RIC8A: variants seen among roughly 807,000 people sequenced by gnomAD.
RIC8A encodes RIC8 guanine nucleotide exchange factor A, also known as chaperone Ric-8A.
A neutral mutation model predicts 48.4 loss-of-function variants in RIC8A; 37 were observed. The ratio of observed to expected loss-of-function variants is 0.77; its 90% confidence interval spans 0.59 to 1.01. The LOEUF is 1.01. Ranked by LOEUF, RIC8A falls within the 50% of genes least tolerant of loss-of-function variation. The pLI is 0.00. For missense variants in RIC8A, 681 were observed against 696.8 expected (o/e 0.98, Z 0.25); for synonymous variants, 288 against 283.4 (o/e 1.02, Z -0.16).
At position 209,561 on chromosome 11, in the gene RIC8A, C is replaced by T; in HGVS notation, c.287C>T (p.Ala96Val). The change falls in exon 3 of 10, where the codon GCT becomes GTT. Residue 96 changes from alanine (A) to valine (V), a missense_variant. Coordinates refer to ENST00000526104, the MANE Select transcript of RIC8A (RefSeq NM_001286134.2). The stretch of plus-strand genomic sequence containing the variant: ...AGCCTGCAGGCACTAGCCTGCTATG[C>T]TGACATCTCTGTCTCTGAGGGGTCC... ...RQSLQALACYADISVSEGSVP... is the reference protein window; with the variant it reads ...RQSLQALACYVDISVSEGSVP... 1 of 1,614,120 alleles carries T rather than the reference C, an allele frequency of 6.2e-7. No homozygotes were observed. Among genetic ancestry groups the T allele is most frequent in the East Asian group, 2.2e-5 (1 of 44,894 alleles).
rs755224386 is a variant in RIC8A, at chr11:208,641, G to C, written c.-214G>C. On this transcript the variant is annotated 5_prime_UTR_variant, in exon 1 of 10. Transcript: ENST00000526104. This position sits in a 1 kb window ranked among gnomAD's most constrained non-coding sequence, Gnocchi z 4.8. ...TCAGAGCGACTCAGCCCCTCGACTC[G>C]GGTCTTAAAACCTCCGAGCCGCCAG... is the stretch of plus-strand genomic sequence containing the variant. 2.1e-6 allele frequency: 1 copy of C among 473,322 alleles called. No homozygotes were observed. Among genetic ancestry groups the C allele is most frequent in the South Asian group, 3.1e-5 (1 of 31,886 alleles). The allele number at this position is 473,322 out of a possible 1,614,324, so 29.3% of individuals were successfully genotyped here. A position where few individuals can be genotyped will look rare whatever the true frequency, so the allele number is the denominator to read the frequency against.
At chr11:209,121 G>A (rs1011825893) in intron 1 of RIC8A, 150 bp from the exon 2 acceptor site, 4 of 1,080,712 alleles carry the variant, frequency 3.7e-6, no homozygotes, top group Middle Eastern at 2.1e-4. Flanking sequence ...CCCGTTGGGT[G>A]GCAGGCGTGT....
Position 209,974 on chromosome 11 carries a change from G to C in RIC8A, c.700G>C (p.Asp234His). 1 of 1,593,592 alleles carries C rather than the reference G, an allele frequency of 6.3e-7. No individual in the cohort carries two copies. The highest frequency in any genetic ancestry group is 8.5e-7 in the Non-Finnish European group (1 of 1,174,806). Reference protein sequence around the residue: ...ILKVLFNITLDSIKGEVDEED... With the variant: ...ILKVLFNITLHSIKGEVDEED... ...CAAAGTGCTCTTCAACATCACCCTG[G>C]ACTCCATCAAGGGGGAGGTGGACGA... Residue 234 changes from aspartate (D) to histidine (H), a missense_variant, in exon 3 of 10, where the codon GAC becomes CAC. By Grantham distance (81) the Asp-to-His change is moderately conservative. Transcript: ENST00000526104.
Position 212,877 on chromosome 11 carries a change from T to C in RIC8A, c.1251T>C (p.Ala417=), listed in dbSNP as rs768763428. ...FIKYTGYGNA[A]GLLAARGLMA... is the part of the protein sequence containing the mutation. ...AGTACACAGGCTATGGGAATGCTGC[T>C]GGCCTTCTGGCTGCCAGGGGCCTCA... Residue 417 remains alanine (A), a synonymous_variant, in exon 8 of 10, where the codon GCT becomes GCC. Coordinates refer to ENST00000526104, the MANE Select transcript of RIC8A (RefSeq NM_001286134.2). 8 of 1,606,640 alleles carry C rather than the reference T, an allele frequency of 5.0e-6. No individual in the cohort carries two copies. Among genetic ancestry groups the C allele is most frequent in the Admixed American group, 1.7e-5 (1 of 59,364 alleles).
chr11:211,968 C>A lies in RIC8A; in HGVS notation c.970-448C>A. ...TCGCTGCCACTGCTGGTGCTGGGGT[C>A]CAGGCACATTATGCTAGGAGGGTCA... On this transcript the variant is annotated intron_variant, in intron 5 of 9. Coordinates refer to ENST00000526104, the MANE Select transcript of RIC8A (RefSeq NM_001286134.2). This position sits in a 1 kb window ranked among gnomAD's most constrained non-coding sequence, Gnocchi z 4.0. 1.0e-5 allele frequency: 2 copies of A among 193,298 alleles called. No homozygotes were observed. The highest frequency in any genetic ancestry group is 5.4e-5 in the Admixed American group (1 of 18,590). The allele number at this position is 193,298 out of a possible 1,614,324, so 12.0% of individuals were successfully genotyped here.
chr11:213,890 T>C (rs919763020), intron 9 of RIC8A: 2 of 305,010 alleles, frequency 6.6e-6, no homozygotes, highest in Non-Finnish European at 1.2e-5. Context: ...GAGCTTGCAG[T>C]GAGCTGACAT....
In RIC8A at chr11:211,488, G is replaced by T. The variant is rs1855356301; in HGVS notation, c.969+139G>T. On this transcript the variant is annotated intron_variant, in intron 5 of 9. Transcript: ENST00000526104. The surrounding 1 kb of genome is among the most constrained non-coding windows in gnomAD (Gnocchi z 4.0). Reference sequence around the variant, plus strand: ...TGGTGTGATATGGGCGACTCTTCCGGTTGTTCTGTGGTCCAGCCTGGCAAG... The same window carrying T: ...TGGTGTGATATGGGCGACTCTTCCGTTTGTTCTGTGGTCCAGCCTGGCAAG... 2.1e-6 allele frequency: 2 copies of T among 935,198 alleles called. No individual in the cohort carries two copies. The highest frequency in any genetic ancestry group is 3.7e-5 in the South Asian group (2 of 54,194). The allele number at this position is 935,198 out of a possible 1,614,324, so 57.9% of individuals were successfully genotyped here. A position where few individuals can be genotyped will look rare whatever the true frequency, so the allele number is the denominator to read the frequency against.
chr11:212,505 G>A lies in RIC8A; in HGVS notation c.1059G>A (p.Lys353=). 1.2e-6 allele frequency: 2 copies of A among 1,613,834 alleles called. No homozygotes were observed. The highest frequency in any genetic ancestry group is 1.7e-6 in the Non-Finnish European group (2 of 1,179,886). The change falls in exon 6 of 10, where the codon AAG becomes AAA. Residue 353 remains lysine, a synonymous_variant. Transcript: ENST00000526104. ...RMHRPARKFL[K]AQVLPPLRDV... is the part of the protein sequence containing the mutation. ...ACCGCCCAGCCAGGAAGTTCCTGAAGGCCCAGGTATAAGGCTGAGGAGCTG... is the reference window on the plus strand; with the variant it reads ...ACCGCCCAGCCAGGAAGTTCCTGAAAGCCCAGGTATAAGGCTGAGGAGCTG...
intron 5 of RIC8A, 65 bp from the exon 6 acceptor site, chr11:212,351 T>C: frequency 1.3e-6 from 2 of 1,495,334 alleles, no homozygotes; most frequent in South Asian, 2.4e-5. Flanking sequence ...GGTGGGGAGG[T>C]GTAACTCTGT....
At chr11:210,702 A>G (rs1855336607) in intron 4 of RIC8A, 40 bp downstream of exon 4, 1 of 1,580,688 alleles carries the variant, frequency 6.3e-7, no homozygotes, top group South Asian at 1.1e-5. Flanking sequence ...GTGTGCCCAC[A>G]TGTCTAGATG....
chr11:212,185 C>T (rs1042912436), intron 5 of RIC8A: 20 of 547,878 alleles, frequency 3.7e-5, no homozygotes, highest in South Asian at 2.5e-4. Context: ...ACAAAGCTTA[C>T]GAGTACCTCT....
rs1855288788 is a variant in RIC8A, at chr11:209,461, C to T, written c.187C>T (p.Arg63Cys). The T allele has an allele frequency of 3.7e-6, 6 of 1,605,760 alleles. No individual in the cohort carries two copies. The highest frequency in any genetic ancestry group is 2.2e-5 in the South Asian group (2 of 90,916). Residue 63 changes from arginine (R) to cysteine (C), a missense_variant, in exon 3 of 10, where the codon CGT becomes TGT. Arg to Cys is a radical substitution (Grantham distance 180, BLOSUM62 -3). Transcript: ENST00000526104. ...VLEQGLPPSH[R>C]VIWLQSVRIL... ...GGAACAGGGCTTGCCACCCTCCCAC[C>T]GTGTCATCTGGCTGCAGAGTGTCCG...
Position 209,710 on chromosome 11 carries a change from G to A in RIC8A, c.436G>A (p.Glu146Lys), listed in dbSNP as rs773764161. ...GGCCCGCCTAGTGGTGAAGCTCACA[G>A]AGCGTGTGGGGCTGTACCGTGAGAG... The part of the protein sequence containing the change: ...AEARLVVKLT[E>K]RVGLYRERSF... Residue 146 changes from glutamate (E) to lysine (K), a missense_variant, in exon 3 of 10, where the codon GAG becomes AAG. Glu to Lys is a moderately conservative substitution (Grantham distance 56, BLOSUM62 1). Transcript: ENST00000526104. 1.9e-6 allele frequency: 3 copies of A among 1,614,038 alleles called. No individual in the cohort carries two copies. Among genetic ancestry groups the A allele is most frequent in the Non-Finnish European group, 2.5e-6 (3 of 1,180,020 alleles).
Position 211,700 on chromosome 11 carries a change from C to A in RIC8A, c.969+351C>A. 1 of 185,188 alleles carries A rather than the reference C, an allele frequency of 5.4e-6. No individual in the cohort carries two copies. The highest frequency in any genetic ancestry group is 1.1e-5 in the Non-Finnish European group (1 of 88,968). 11.5% of individuals were successfully genotyped at this position (185,188 alleles called of 1,614,324 possible). A position where few individuals can be genotyped will look rare whatever the true frequency, so the allele number is the denominator to read the frequency against. ...TGTCCCTCAGCATCCTGAGGAGACC[C>A]ATAGGAACCTCAGATCAAAGCTTCC... On this transcript the variant is annotated intron_variant, in intron 5 of 9. Coordinates refer to ENST00000526104, the MANE Select transcript of RIC8A (RefSeq NM_001286134.2). This position sits in a 1 kb window ranked among gnomAD's most constrained non-coding sequence, Gnocchi z 4.0.
At position 214,597 on chromosome 11, in the gene RIC8A, CT is replaced by C; in HGVS notation, c.*250del. 1.7e-6 allele frequency: 1 copy of C among 578,190 alleles called. No homozygotes were observed. Among genetic ancestry groups the C allele is most frequent in the Non-Finnish European group, 3.1e-6 (1 of 318,004 alleles). The allele number at this position is 578,190 out of a possible 1,614,324, so 35.8% of individuals were successfully genotyped here. ...AGCCTCGAATTCCACAGACGAAGTA[CT>C]TTCTTTTGTCTGCGCCAAGAGGAAT... On this transcript the variant is annotated 3_prime_UTR_variant, in exon 10 of 10. Coordinates refer to ENST00000526104, the MANE Select transcript of RIC8A (RefSeq NM_001286134.2).
intron 4 of RIC8A, chr11:210,949 T>C: frequency 1.7e-6 from 1 of 605,844 alleles, no homozygotes; most frequent in Non-Finnish European, 2.9e-6. Flanking sequence ...AGAGATGGTC[T>C]GGCGCTTTGG....
At chr11:210,763 C>A (rs1427012062) in intron 4 of RIC8A, 101 bp downstream of exon 4, 1 of 1,077,738 alleles carries the variant, frequency 9.3e-7, no homozygotes, top group African/African-American at 1.6e-5. Context: ...GCCCAGGCCC[C>A]ACCCTAGAGA....
At chr11:212,303 GC>G (rs1564799974) in intron 5 of RIC8A, 112 bp from the exon 6 acceptor site, 9 of 1,076,596 alleles carry the variant, frequency 8.4e-6, no homozygotes, top group African/African-American at 1.6e-5. Context: ...AACCTCTGCC[GC>G]CAGGACCAGC....
rs1235882727 is a variant in RIC8A at position 211,337 on chromosome 11, G to A, written c.957G>A (p.Lys319=). The change falls in exon 5 of 10, where the codon AAG becomes AAA. Residue 319 remains lysine, a synonymous_variant. Transcript: ENST00000526104. The surrounding 1 kb of genome is among the most constrained non-coding windows in gnomAD (Gnocchi z 4.0). ...VIRALLIFLE[K]RLHKTHRLKE... ...GTGCCCTCCTCATCTTCCTAGAGAA[G>A]CGTTTGCACAAGGTAGGCTGGGGAT... The A allele has an allele frequency of 2.6e-5, 42 of 1,613,820 alleles. No homozygotes were observed. The highest frequency in any genetic ancestry group is 3.6e-5 in the Non-Finnish European group (42 of 1,179,812).
Sources: allele counts gnomAD v4.1 joint callset, GRCh38; gene constraint gnomAD v4.1.1; non-coding constraint Gnocchi (gnomAD v3.1); transcripts MANE v1.5; gene names NCBI Gene and HGNC (gene_info 2026-07-23, HGNC 2026-07-21).